DPYD: variants seen among roughly 807,000 people sequenced by gnomAD.
DPYD encodes dihydropyrimidine dehydrogenase.
DPYD carries 109 observed loss-of-function variants against 116.2 expected under a neutral mutation model. That is an observed-to-expected ratio of 0.94 (90% confidence interval 0.80 to 1.10). The LOEUF (loss-of-function observed/expected upper bound fraction) is 1.10. Among genes scored for constraint, DPYD ranks in the 50% least tolerant of loss-of-function variants. The pLI is 0.00. For synonymous variants in DPYD, 440 were observed against 432.0 expected (o/e 1.02, Z -0.23); for missense variants, 1,302 against 1,254.5 (o/e 1.04, Z -0.57).
chr1:97,775,730 A>C (rs760962955), intron 3 of DPYD, among the ~76,000 whole-genome samples: 12 of 152,124 alleles, frequency 7.9e-5, no homozygotes, highest in Non-Finnish European at 1.5e-4. Context: ...TTGTGAGAGC[A>C]GGTGCAATGT....
At chr1:97,621,087 T>A (rs1221318100) in intron 8 of DPYD, among the ~76,000 whole-genome samples, 3 of 152,124 alleles carry the variant, frequency 2.0e-5, no homozygotes, top group Admixed American at 6.6e-5. Flanking sequence ...AAATTTAGAT[T>A]TGATTGAGTA....
At chr1:97,720,248 T>C (rs1557906619) in intron 5 of DPYD, 1 of 985,072 alleles carries the variant, frequency 1.0e-6, no homozygotes, top group Non-Finnish European at 1.2e-6. Context: ...ATTCATTTTG[T>C]TTTAAAATGC....
At chr1:97,121,747 G>A (rs1306104333) in intron 20 of DPYD, among the ~76,000 whole-genome samples, 1 of 152,168 alleles carries the variant, frequency 6.6e-6, no homozygotes, top group African/African-American at 2.4e-5. Flanking sequence ...TATAAACAGA[G>A]TCAGATCCTG....
chr1:97,806,822 C>G (rs1398197282), intron 3 of DPYD, among the ~76,000 whole-genome samples: 1 of 151,902 alleles, frequency 6.6e-6, no homozygotes, highest in Non-Finnish European at 1.5e-5. Context: ...ACCTATTCAT[C>G]TCTTCATCTT....
At chr1:97,745,377 C>G (rs1423923215) in intron 3 of DPYD, among the ~76,000 whole-genome samples, 1 of 152,032 alleles carries the variant, frequency 6.6e-6, no homozygotes, top group East Asian at 1.9e-4. Context: ...AGCTATTTAT[C>G]TACTAGAAAT....
rs1217658990 is a variant in DPYD at position 97,134,011 on chromosome 1, AAAAATATATATATATATATATATAT to A, written c.2623-35404_2623-35380del. ...CAGACTCTGTTTCAAAAAAAAAAAA[AAAAATATATATATATATATATATAT>A]ATATATATATATATATATATATATA... On this transcript the variant is annotated intron_variant, in intron 20 of 22. Transcript: ENST00000370192. Among the ~76,000 whole-genome samples, 111 of 35,198 alleles carry A rather than the reference AAAAATATATATATATATATATATAT, an allele frequency of 3.2e-3. 13 individuals are homozygous for A. Among genetic ancestry groups the A allele is most frequent in the South Asian group, 0.011 (10 of 912 alleles). 23.1% of individuals were successfully genotyped at this position (35,198 alleles called of 152,430 possible). A position where few individuals can be genotyped will look rare whatever the true frequency, so the allele number is the denominator to read the frequency against.
intron 13 of DPYD, among the ~76,000 whole-genome samples, chr1:97,486,260 T>C (rs1444208242): frequency 6.6e-6 from 1 of 152,198 alleles, no homozygotes; most frequent in Non-Finnish European, 1.5e-5. Context: ...TAGAATCTAT[T>C]TGAGTACATT....
chr1:97,602,717 A>G (rs1490970408), intron 8 of DPYD, among the ~76,000 whole-genome samples: 1 of 151,926 alleles, frequency 6.6e-6, no homozygotes, highest in African/African-American at 2.4e-5. Context: ...TGTCTATATT[A>G]GGATCTGTTG....
At chr1:97,324,065 C>T (rs1570526385) in intron 16 of DPYD, among the ~76,000 whole-genome samples, 2 of 152,058 alleles carry the variant, frequency 1.3e-5, no homozygotes, top group South Asian at 4.1e-4. Flanking sequence ...CTGACAGTAT[C>T]CCATGATGGC....
At chr1:97,265,726 A>G (rs1388333500) in intron 18 of DPYD, among the ~76,000 whole-genome samples, 1 of 152,068 alleles carries the variant, frequency 6.6e-6, no homozygotes, top group Non-Finnish European at 1.5e-5. Flanking sequence ...TGACCTTTTA[A>G]TCTTCTTATT....
At chr1:97,770,556 C>T (rs1473539615) in intron 3 of DPYD, among the ~76,000 whole-genome samples, 1 of 152,142 alleles carries the variant, frequency 6.6e-6, no homozygotes, top group Non-Finnish European at 1.5e-5. Context: ...ACTGTAGTGA[C>T]TAACACTGTA....
At chr1:97,548,713 G>A (rs1488271015) in intron 12 of DPYD, among the ~76,000 whole-genome samples, 1 of 152,090 alleles carries the variant, frequency 6.6e-6, no homozygotes, top group African/African-American at 2.4e-5. Context: ...TCCAGCCTGG[G>A]CATTAGAGCG....
intron 14 of DPYD, among the ~76,000 whole-genome samples, chr1:97,389,514 T>C (rs1431152861): frequency 6.6e-6 from 1 of 151,974 alleles, no homozygotes; most frequent in African/African-American, 2.4e-5. Context: ...AACATGAAAT[T>C]GGGTTTTATA....
intron 13 of DPYD, among the ~76,000 whole-genome samples, chr1:97,501,942 T>C (rs1679611483): frequency 6.6e-6 from 1 of 152,086 alleles, no homozygotes; most frequent in East Asian, 1.9e-4. Flanking sequence ...TCTGAGGTCA[T>C]GTATATGTCA....
chr1:97,153,380 C>T (rs892187716), intron 20 of DPYD, among the ~76,000 whole-genome samples: 8 of 151,952 alleles, frequency 5.3e-5, no homozygotes, highest in Non-Finnish European at 8.8e-5. Flanking sequence ...GAGAACATGG[C>T]GAGGACAGTA....
chr1:97,306,281 C>T lies in DPYD; in HGVS notation c.2075G>A (p.Arg692Gln), dbSNP rs375436137. ...LACGQDPELV[R>Q]NICRWVRQAV... ...TTGCCTAACCCAGCGGCAGATGTTC[C>T]GCACCAGCTCTGGATCCTGTTCAAA... The change falls in exon 17 of 23, where the codon CGG becomes CAG. Residue 692 changes from arginine (R) to glutamine (Q), a missense_variant. Transcript: ENST00000370192. 2.2e-5 allele frequency: 36 copies of T among 1,612,082 alleles called. No individual in the cohort carries two copies. In the African/African-American group the frequency reaches 3.1e-4, roughly 14 times the overall value.
chr1:97,653,787 G>A (rs1364716431), intron 8 of DPYD, among the ~76,000 whole-genome samples: 1 of 152,048 alleles, frequency 6.6e-6, no homozygotes, highest in Non-Finnish European at 1.5e-5. Flanking sequence ...AGTGTTAAAT[G>A]AGTAATAACG....
At chr1:97,467,419 TC>T (rs1677395187) in intron 13 of DPYD, among the ~76,000 whole-genome samples, 1 of 152,230 alleles carries the variant, frequency 6.6e-6, no homozygotes, top group Non-Finnish European at 1.5e-5. Context: ...CTTCATGATA[TC>T]CTGCCCTTTT....
At position 97,384,576 on chromosome 1, in the gene DPYD, C is replaced by A. The variant is rs6670376; in HGVS notation, c.1906-2115G>T. 7.6e-3 allele frequency among the ~76,000 whole-genome samples: 1,159 copies of A among 151,866 alleles called. 17 individuals are homozygous for A. The highest frequency in any genetic ancestry group is 0.027 in the African/African-American group (1,107 of 41,434). On this transcript the variant is annotated intron_variant, in intron 14 of 22. Coordinates refer to ENST00000370192, the MANE Select transcript of DPYD (RefSeq NM_000110.4). ...TAAGAAGATTAAGTAGAAATGGATA[C>A]CATAAGTTAGAGAAGTGAAAAATAA...
Sources: gnomAD v4.1 joint callset for allele counts (sites outside exome capture counted in the v4.1 genomes callset) on GRCh38, gnomAD v4.1.1 for gene constraint, MANE v1.5 for transcripts, NCBI Gene and HGNC (gene_info 2026-07-23, HGNC 2026-07-21) for gene names.